GRIN2B: variants seen among roughly 807,000 people sequenced by gnomAD.
GRIN2B encodes glutamate receptor ionotropic, NMDA 2B.
In GRIN2B, 5 loss-of-function variants were observed where a neutral mutation model predicts 114.5. That is an observed-to-expected ratio of 0.04 (90% CI 0.02 to 0.09). The LOEUF (loss-of-function observed/expected upper bound fraction) is 0.09, where lower values mean the gene tolerates loss of function less well. Ranked by LOEUF, GRIN2B falls within the 10% of genes least tolerant of loss-of-function variation. GRIN2B has a pLI of 1.00. For missense variants in GRIN2B, 1,108 were observed against 1,943.5 expected (o/e 0.57, Z 8.08); for synonymous variants, 787 against 745.1 (o/e 1.06, Z -0.92).
At chr12:13,607,968 C>T (rs1565474199) in intron 10 of GRIN2B, among the ~76,000 whole-genome samples, 1 of 152,164 alleles carries the variant, frequency 6.6e-6, no homozygotes, top group Non-Finnish European at 1.5e-5. Context: ...TGTACATCCT[C>T]ATCCAGCAGT....
At chr12:13,873,199 A>C (rs1865939932) in intron 2 of GRIN2B, among the ~76,000 whole-genome samples, 1 of 152,196 alleles carries the variant, frequency 6.6e-6, no homozygotes, top group South Asian at 2.1e-4. Context: ...TATACCTTCT[A>C]AATTTAAATC....
At chr12:13,793,862 G>A (rs1269516657) in intron 3 of GRIN2B, among the ~76,000 whole-genome samples, 1 of 151,906 alleles carries the variant, frequency 6.6e-6, no homozygotes, top group Non-Finnish European at 1.5e-5. Context: ...GAGAGGGTTA[G>A]GTTTTTAAAT....
intron 3 of GRIN2B, among the ~76,000 whole-genome samples, chr12:13,822,199 T>A (rs1209208260): frequency 6.6e-6 from 1 of 152,100 alleles, no homozygotes; most frequent in Non-Finnish European, 1.5e-5. Context: ...TAGGAAAAAA[T>A]GATGGAATCA....
Position 13,875,638 on chromosome 12 carries a change from C to T in GRIN2B, c.-18-9412G>A, listed in dbSNP as rs143567617. 2.7e-3 allele frequency among the ~76,000 whole-genome samples: 411 copies of T among 152,268 alleles called. 5 individuals are homozygous for T. Among genetic ancestry groups the T allele is most frequent in the South Asian group, 6.0e-3 (29 of 4,814 alleles). ...GTAGCCCAGACATATTCCAAGCCAC[C>T]GCATCCCTCCACAAAGCCTCTTTTG... On this transcript the variant is annotated intron_variant, in intron 2 of 13. Transcript: ENST00000609686.
At chr12:13,792,427 A>G (rs938647684) in intron 3 of GRIN2B, among the ~76,000 whole-genome samples, 1 of 152,226 alleles carries the variant, frequency 6.6e-6, no homozygotes, top group Non-Finnish European at 1.5e-5. Flanking sequence ...GTGGGTCCTC[A>G]GGGAATAAGA....
At chr12:13,979,245 C>T (rs939553869) in intron 2 of GRIN2B, among the ~76,000 whole-genome samples, 8 of 152,090 alleles carry the variant, frequency 5.3e-5, no homozygotes, top group Non-Finnish European at 7.4e-5. Flanking sequence ...TCCTCCTTTC[C>T]GAGCTTAAGA....
rs929309728 is a variant in GRIN2B, at chr12:13,553,037, T to C, written c.*9746A>G. ...ATTCATAGCCAATGGCATAATGAGA[T>C]TTACAGAGAAGGCTGGCCGGGAGAA... On this transcript the variant is annotated 3_prime_UTR_variant, in exon 14 of 14. Coordinates refer to ENST00000609686, the MANE Select transcript of GRIN2B (RefSeq NM_000834.5). The C allele has an allele frequency of 2.6e-5, 4 of 152,154 alleles. No homozygotes were observed. The highest frequency in any genetic ancestry group is 5.9e-5 in the Non-Finnish European group (4 of 68,028). 9.4% of individuals were successfully genotyped at this position (152,154 alleles called of 1,614,324 possible). A position where few individuals can be genotyped will look rare whatever the true frequency, so the allele number is the denominator to read the frequency against.
chr12:13,541,570 G>A lies in GRIN2B; in HGVS notation c.*21213C>T, dbSNP rs561108539. ...ATGCGTACTCAGTGCATAAAGTAAG[G>A]TATGACTGAGTTGGCTGTGATACCT... On this transcript the variant is annotated 3_prime_UTR_variant, in exon 14 of 14. Transcript: ENST00000609686. The A allele has an allele frequency of 6.6e-6, 1 of 152,298 alleles. No homozygotes were observed. Among genetic ancestry groups the A allele is most frequent in the East Asian group, 1.9e-4 (1 of 5,184 alleles). The allele number at this position is 152,298 out of a possible 1,614,324, so 9.4% of individuals were successfully genotyped here. A position where few individuals can be genotyped will look rare whatever the true frequency, so the allele number is the denominator to read the frequency against.
intron 3 of GRIN2B, among the ~76,000 whole-genome samples, chr12:13,770,514 A>G (rs1325418417): frequency 2.0e-5 from 3 of 152,194 alleles, no homozygotes; most frequent in African/African-American, 7.2e-5. Context: ...GGCTTCACAG[A>G]AATTTGGTGT....
chr12:13,541,172 T>G lies in GRIN2B; in HGVS notation c.*21611A>C, dbSNP rs1948274238. On this transcript the variant is annotated 3_prime_UTR_variant, in exon 14 of 14. Transcript: ENST00000609686. ...AGAGCTCACTGCCCCATCCCTTCTC[T>G]GATCTCCACTGTAACATTGCCTCTA... 6.6e-6 allele frequency: 1 copy of G among 152,222 alleles called. No individual in the cohort carries two copies. The highest frequency in any genetic ancestry group is 2.4e-5 in the African/African-American group (1 of 41,452). The allele number at this position is 152,222 out of a possible 1,614,324, so 9.4% of individuals were successfully genotyped here. A position where few individuals can be genotyped will look rare whatever the true frequency, so the allele number is the denominator to read the frequency against.
At chr12:13,796,447 G>A (rs1864420616) in intron 3 of GRIN2B, among the ~76,000 whole-genome samples, 1 of 152,198 alleles carries the variant, frequency 6.6e-6, no homozygotes, top group African/African-American at 2.4e-5. Context: ...CAAGGCACAG[G>A]CATGATCAAC....
chr12:13,979,715 C>A (rs1280998171), intron 2 of GRIN2B, among the ~76,000 whole-genome samples: 1 of 152,066 alleles, frequency 6.6e-6, no homozygotes, highest in Non-Finnish European at 1.5e-5. Context: ...CCCACTGCCC[C>A]CCAAAAGCCC....
At chr12:13,793,432 AAC>A (rs1353608247) in intron 3 of GRIN2B, among the ~76,000 whole-genome samples, 1 of 151,860 alleles carries the variant, frequency 6.6e-6, no homozygotes, top group Non-Finnish European at 1.5e-5. Flanking sequence ...AAAAAAAAAA[AAC>A]GTTATTCAAC....
At chr12:13,586,583 G>A (rs565519748) in intron 10 of GRIN2B, among the ~76,000 whole-genome samples, 1 of 152,148 alleles carries the variant, frequency 6.6e-6, no homozygotes, top group Non-Finnish European at 1.5e-5. Context: ...CTTTGAAGAA[G>A]TCATTGCCAA....
intron 5 of GRIN2B, among the ~76,000 whole-genome samples, chr12:13,620,288 A>T (rs1949498320): frequency 6.6e-6 from 1 of 152,200 alleles, no homozygotes; most frequent in African/African-American, 2.4e-5. Flanking sequence ...ATTGTCTAGC[A>T]CAGTTCTCTT....
intron 2 of GRIN2B, among the ~76,000 whole-genome samples, chr12:13,943,423 G>A (rs1031457007): frequency 3.3e-5 from 5 of 152,082 alleles, no homozygotes; most frequent in African/African-American, 9.7e-5. Flanking sequence ...GTCAGATGAT[G>A]TCACACTCCT....
At chr12:13,594,671 TAA>T (rs34596965) in intron 10 of GRIN2B, among the ~76,000 whole-genome samples, 15 of 142,364 alleles carry the variant, frequency 1.1e-4, no homozygotes, top group African/African-American at 3.6e-4. Flanking sequence ...CTTAAAGTAT[TAA>T]AAAAAAAAAA....
At chr12:13,928,615 G>A (rs1866961930) in intron 2 of GRIN2B, among the ~76,000 whole-genome samples, 1 of 152,190 alleles carries the variant, frequency 6.6e-6, no homozygotes, top group Non-Finnish European at 1.5e-5. Flanking sequence ...TAAAAGACTT[G>A]TTAAAGCTAT....
intron 2 of GRIN2B, among the ~76,000 whole-genome samples, chr12:13,957,554 C>A (rs1020949155): frequency 6.6e-6 from 1 of 152,188 alleles, no homozygotes; most frequent in Non-Finnish European, 1.5e-5. Flanking sequence ...CTCTGAGAAG[C>A]AGTTCAGCTT....
Sources: gnomAD v4.1 joint callset for allele counts (sites outside exome capture counted in the v4.1 genomes callset) on GRCh38, gnomAD v4.1.1 for gene constraint, MANE v1.5 for transcripts, NCBI Gene and HGNC (gene_info 2026-07-23, HGNC 2026-07-21) for gene names.